Variants in FAXC observed in about 807,000 individuals in gnomAD.
The protein encoded by FAXC is failed axon connections homolog, metaxin like GST domain containing, also known as failed axon connections homolog.
In FAXC, 10 loss-of-function variants were observed where a neutral mutation model predicts 41.9. The observed-to-expected ratio is 0.24, with a 90% confidence interval of 0.15 to 0.41. The LOEUF is 0.41. Among genes scored for constraint, FAXC ranks in the 10% least tolerant of loss-of-function variants. FAXC has a pLI of 1.00. For missense variants in FAXC, 399 were observed against 510.9 expected, an observed-to-expected ratio of 0.78 and a Z score of 2.11; for synonymous variants, 183 against 183.8, an observed-to-expected ratio of 1.00 and a Z score of 0.03.
intron 1 of FAXC, among the ~76,000 whole-genome samples, chr6:99,347,357 G>A (rs1484496325): frequency 6.7e-6 from 1 of 150,292 alleles, no homozygotes; most frequent in African/African-American, 2.5e-5. Context: ...AGCTGAGATC[G>A]AGCCACTGCA....
intron 4 of FAXC, among the ~76,000 whole-genome samples, chr6:99,304,239 T>C (rs754893508): frequency 1.3e-5 from 2 of 151,984 alleles, no homozygotes; most frequent in Non-Finnish European, 2.9e-5. Flanking sequence ...TGAGACGAGA[T>C]TGCACCATTG....
chr6:99,298,868 C>A (rs1226051587), intron 4 of FAXC, among the ~76,000 whole-genome samples: 3 of 152,174 alleles, frequency 2.0e-5, no homozygotes, highest in Admixed American at 2.0e-4. Context: ...ACCAGTTCAA[C>A]CTCTCTCCAA....
intron 3 of FAXC, among the ~76,000 whole-genome samples, chr6:99,324,134 T>C (rs1772700398): frequency 6.6e-6 from 1 of 151,906 alleles, no homozygotes; most frequent in Non-Finnish European, 1.5e-5. Context: ...GTTCATTAAT[T>C]AAGCTGCACA....
In FAXC at chr6:99,279,727, T is replaced by C. The variant is rs1770757062; in HGVS notation, c.*1437A>G. ...TTTAGAAATAGGGTGCCTTCACAAA[T>C]ATGGGTAAGCCAACAGTTCATCGAA... On this transcript the variant is annotated 3_prime_UTR_variant, in exon 6 of 6. Transcript: ENST00000389677. The C allele has an allele frequency of 6.6e-6, 1 of 152,100 alleles. No homozygotes were observed. Among genetic ancestry groups the C allele is most frequent in the African/African-American group, 2.4e-5 (1 of 41,394 alleles). The allele number at this position is 152,100 out of a possible 1,614,324, so 9.4% of individuals were successfully genotyped here.
At chr6:99,292,442 G>C (rs934449309) in intron 4 of FAXC, among the ~76,000 whole-genome samples, 3 of 152,134 alleles carry the variant, frequency 2.0e-5, no homozygotes, top group Admixed American at 2.0e-4. Flanking sequence ...TCACACTACT[G>C]CTCCCATCTC....
At chr6:99,304,178 C>G (rs1771823146) in intron 4 of FAXC, among the ~76,000 whole-genome samples, 1 of 152,004 alleles carries the variant, frequency 6.6e-6, no homozygotes, top group African/African-American at 2.4e-5. Context: ...CCCAGCTAGT[C>G]AGGAGGCTGA....
At chr6:99,345,567 A>G (rs1773561931) in intron 1 of FAXC, among the ~76,000 whole-genome samples, 2 of 152,222 alleles carry the variant, frequency 1.3e-5, no homozygotes, top group African/African-American at 4.8e-5. Context: ...TGATCTTACC[A>G]TAAGGTTTAT....
chr6:99,304,347 T>C (rs1263545475), intron 4 of FAXC, among the ~76,000 whole-genome samples: 4 of 151,686 alleles, frequency 2.6e-5, no homozygotes, highest in Non-Finnish European at 5.9e-5. Flanking sequence ...GGAAACCCAC[T>C]CTCCCTTATA....
chr6:99,288,688 C>T lies in FAXC; in HGVS notation c.940+3016G>A, dbSNP rs149121931. On this transcript the variant is annotated intron_variant, in intron 5 of 5. Coordinates refer to ENST00000389677, the MANE Select transcript of FAXC (RefSeq NM_032511.4). ...TGACAGTCCATACTATCCCTAGTCC[C>T]ACCCAGCTGAACTTCCAGAAAACCT... Among the ~76,000 whole-genome samples, 7 of 152,310 alleles carry T rather than the reference C, an allele frequency of 4.6e-5. No homozygotes were observed. The East Asian group carries it at 1.2e-3, about 25-fold the overall frequency.
chr6:99,307,369 T>G (rs1771967295), intron 4 of FAXC, among the ~76,000 whole-genome samples: 2 of 152,210 alleles, frequency 1.3e-5, no homozygotes, highest in Non-Finnish European at 2.9e-5. Flanking sequence ...TAATTTGTAC[T>G]CAAAGGCCCG....
intron 5 of FAXC, among the ~76,000 whole-genome samples, chr6:99,285,077 A>G (rs540899852): frequency 1.3e-5 from 2 of 152,140 alleles, no homozygotes; most frequent in South Asian, 4.1e-4. Context: ...GTGGAGGGTC[A>G]GGCATTGTAC....
chr6:99,285,510 T>C (rs911240721), intron 5 of FAXC, among the ~76,000 whole-genome samples: 1 of 152,162 alleles, frequency 6.6e-6, no homozygotes, highest in Non-Finnish European at 1.5e-5. Context: ...AATCTGTACA[T>C]GAAAAAGGCA....
chr6:99,335,602 CACAGCAGT>C (rs1391178159), intron 2 of FAXC, among the ~76,000 whole-genome samples: 2 of 152,190 alleles, frequency 1.3e-5, no homozygotes, highest in Non-Finnish European at 2.9e-5. Context: ...GGATGCAGGA[CACAGCAGT>C]AAGGACAACC....
chr6:99,310,370 C>T (rs1319648377), intron 4 of FAXC, among the ~76,000 whole-genome samples: 1 of 152,200 alleles, frequency 6.6e-6, no homozygotes, highest in South Asian at 2.1e-4. Flanking sequence ...GGGTTACAGA[C>T]ACATTTGAAT....
chr6:99,317,455 G>A (rs1181966732), intron 4 of FAXC, among the ~76,000 whole-genome samples: 2 of 152,172 alleles, frequency 1.3e-5, no homozygotes, highest in African/African-American at 2.4e-5. Flanking sequence ...TGGAAGTCGT[G>A]GCAATTTTAG....
chr6:99,332,690 T>C (rs1773070845), intron 3 of FAXC, among the ~76,000 whole-genome samples: 1 of 152,170 alleles, frequency 6.6e-6, no homozygotes, highest in Admixed American at 6.5e-5. Flanking sequence ...AAAGGAGTAG[T>C]ATGCTTTACT....
At position 99,276,803 on chromosome 6, in the gene FAXC, T is replaced by G. The variant is rs1466759975; in HGVS notation, c.*4361A>C. On this transcript the variant is annotated 3_prime_UTR_variant, in exon 6 of 6. Transcript: ENST00000389677. Reference sequence around the variant, plus strand: ...AACATTTTATGTATTTGCATATATGTGTTTTTCTGGGAATAGGGTATAGAA... The same window carrying G: ...AACATTTTATGTATTTGCATATATGGGTTTTTCTGGGAATAGGGTATAGAA... 6.6e-6 allele frequency: 1 copy of G among 152,262 alleles called. No homozygotes were observed. The highest frequency in any genetic ancestry group is 1.5e-5 in the Non-Finnish European group (1 of 68,048). 9.4% of individuals were successfully genotyped at this position (152,262 alleles called of 1,614,324 possible). A position where few individuals can be genotyped will look rare whatever the true frequency, so the allele number is the denominator to read the frequency against.
intron 2 of FAXC, among the ~76,000 whole-genome samples, chr6:99,338,131 A>G (rs1399912761): frequency 6.6e-6 from 1 of 150,894 alleles, no homozygotes; most frequent in African/African-American, 2.4e-5. Context: ...CCACAGCACC[A>G]TTTTTTTTTA....
chr6:99,294,897 C>T (rs1032935064), intron 4 of FAXC, among the ~76,000 whole-genome samples: 3 of 152,070 alleles, frequency 2.0e-5, no homozygotes, highest in Admixed American at 1.3e-4. Flanking sequence ...CATCTGGCTT[C>T]GAAATGTTAA....
Sources: allele counts gnomAD v4.1 joint callset (sites outside exome capture counted in the v4.1 genomes callset), GRCh38; gene constraint gnomAD v4.1.1; transcripts MANE v1.5; gene names NCBI Gene and HGNC (gene_info 2026-07-23, HGNC 2026-07-21).